The following PRKD1 variants were observed in gnomAD, a reference collection of about 807,000 sequenced individuals.
PRKD1 encodes the protein serine/threonine-protein kinase D1.
A neutral mutation model predicts 95.9 loss-of-function variants in PRKD1; 63 were observed. The observed-to-expected ratio is 0.66, with a 90% CI of 0.54 to 0.81. The LOEUF (loss-of-function observed/expected upper bound fraction) is 0.81, where lower values mean the gene tolerates loss of function less well. PRKD1 is among the 30% of genes least tolerant of loss of function. The pLI is 0.00. For missense variants in PRKD1, 1,048 were observed against 1,165.3 expected, an observed-to-expected ratio of 0.90 and a Z score of 1.47; for synonymous variants, 425 against 423.1, an observed-to-expected ratio of 1.00 and a Z score of -0.05.
intron 1 of PRKD1, among the ~76,000 whole-genome samples, chr14:29,729,478 C>T (rs1886327740): frequency 6.6e-6 from 1 of 152,030 alleles, no homozygotes; most frequent in Non-Finnish European, 1.5e-5. Context: ...GATTCCCTTA[C>T]CACCCTTTTA....
At chr14:29,851,418 A>G (rs144673170) in intron 1 of PRKD1, among the ~76,000 whole-genome samples, 299 of 152,296 alleles carry the variant, frequency 2.0e-3, no homozygotes, top group African/African-American at 6.6e-3. Flanking sequence ...AAAGTGGGCA[A>G]AAGGCATAGA....
chr14:29,822,525 C>T (rs1026327336), intron 1 of PRKD1, among the ~76,000 whole-genome samples: 1 of 152,064 alleles, frequency 6.6e-6, no homozygotes, highest in Admixed American at 6.5e-5. Context: ...AAAAGATGAC[C>T]TTATTTTGAA....
intron 4 of PRKD1, among the ~76,000 whole-genome samples, chr14:29,642,861 T>C (rs148052469): frequency 1.1e-4 from 17 of 152,166 alleles, no homozygotes; most frequent in African/African-American, 4.1e-4. Flanking sequence ...TCTTAGTCTC[T>C]ATTCCAATTT....
intron 1 of PRKD1, among the ~76,000 whole-genome samples, chr14:29,759,976 G>T (rs1887897820): frequency 6.6e-6 from 1 of 152,144 alleles, no homozygotes; most frequent in African/African-American, 2.4e-5. Flanking sequence ...AGTCTGGCCA[G>T]CCATACCGTT....
chr14:29,618,951 C>T (rs1879059095), intron 13 of PRKD1, among the ~76,000 whole-genome samples: 1 of 152,170 alleles, frequency 6.6e-6, no homozygotes, highest in African/African-American at 2.4e-5. Flanking sequence ...CATTTCAACC[C>T]ACATGGTCCC....
chr14:29,589,540 T>A (rs918511812), intron 16 of PRKD1, among the ~76,000 whole-genome samples: 3 of 152,182 alleles, frequency 2.0e-5, no homozygotes, highest in Admixed American at 2.0e-4. Context: ...TAAGATTGCA[T>A]CTTCAACTGC....
At chr14:29,872,469 C>T (rs1171428196) in intron 1 of PRKD1, among the ~76,000 whole-genome samples, 1 of 151,784 alleles carries the variant, frequency 6.6e-6, no homozygotes, top group Admixed American at 6.6e-5. Context: ...CTAGCCAACA[C>T]AGTGAAACCC....
chr14:29,634,841 G>A (rs1259848423), intron 7 of PRKD1, among the ~76,000 whole-genome samples: 1 of 152,002 alleles, frequency 6.6e-6, no homozygotes, highest in Non-Finnish European at 1.5e-5. Context: ...AGACCAGCCT[G>A]GCCAAGATGG....
rs372217789 is a variant in PRKD1, at chr14:29,892,577, A to G, written c.264+34672T>C. On this transcript the variant is annotated intron_variant, in intron 1 of 17. Coordinates refer to ENST00000331968, the MANE Select transcript of PRKD1 (RefSeq NM_002742.3). ...GCCAAGAATGACATAATGCTACAAG[A>G]TCTAGCCTCCTCTCACATACTAACT... Among the ~76,000 whole-genome samples, 142 of 152,286 alleles carry G rather than the reference A, an allele frequency of 9.3e-4. 3 individuals carry two copies. Among genetic ancestry groups the G allele is most frequent in the African/African-American group, 3.3e-3 (137 of 41,562 alleles).
At chr14:29,853,646 C>T (rs941116913) in intron 1 of PRKD1, among the ~76,000 whole-genome samples, 1 of 152,190 alleles carries the variant, frequency 6.6e-6, no homozygotes, top group African/African-American at 2.4e-5. Context: ...CTAAGTTACA[C>T]TTGTGGAAGG....
At chr14:29,730,331 G>T (rs1886370196) in intron 1 of PRKD1, among the ~76,000 whole-genome samples, 1 of 152,010 alleles carries the variant, frequency 6.6e-6, no homozygotes. Flanking sequence ...CCTCAACCCT[G>T]TCAAAATGGC....
At chr14:29,734,028 CTTTTTTTTTTTTTTTTTTT>C (rs58908662) in intron 1 of PRKD1, among the ~76,000 whole-genome samples, 1 of 64,640 alleles carries the variant, frequency 1.5e-5, no homozygotes, top group Non-Finnish European at 2.6e-5. Context: ...ACTTTCCTGC[CTTTTTTTTTTTTTTTTTTT>C]TTTTTTTTTT....
At chr14:29,612,139 G>C (rs1330906004) in intron 13 of PRKD1, among the ~76,000 whole-genome samples, 12 of 152,196 alleles carry the variant, frequency 7.9e-5, no homozygotes, top group Non-Finnish European at 1.6e-4. Context: ...GACAAGGTTA[G>C]ATGACAGAAT....
chr14:29,580,588 G>A (rs770444799), intron 16 of PRKD1, among the ~76,000 whole-genome samples: 12 of 152,100 alleles, frequency 7.9e-5, no homozygotes, highest in Admixed American at 7.2e-4. Context: ...AAATAGGTCC[G>A]TCATTTGTAG....
chr14:29,686,135 G>T (rs1445384482), intron 2 of PRKD1, among the ~76,000 whole-genome samples: 2 of 152,292 alleles, frequency 1.3e-5, no homozygotes, highest in East Asian at 3.9e-4. Context: ...CAGAGGCCCT[G>T]TCCCACTGAT....
At chr14:29,878,844 G>A (rs1566650935) in intron 1 of PRKD1, among the ~76,000 whole-genome samples, 2 of 152,152 alleles carry the variant, frequency 1.3e-5, no homozygotes, top group East Asian at 1.9e-4. Flanking sequence ...TCATGATGGT[G>A]AGAATATATT....
At chr14:29,853,382 T>C (rs1462933870) in intron 1 of PRKD1, among the ~76,000 whole-genome samples, 2 of 152,224 alleles carry the variant, frequency 1.3e-5, no homozygotes, top group African/African-American at 4.8e-5. Context: ...AGCTTTCATT[T>C]GTAAACCAGG....
At chr14:29,788,011 G>A (rs1288223947) in intron 1 of PRKD1, among the ~76,000 whole-genome samples, 3 of 152,078 alleles carry the variant, frequency 2.0e-5, no homozygotes, top group Admixed American at 6.5e-5. Context: ...TGCAATACCA[G>A]TGAGTTGTAT....
chr14:29,833,601 G>T (rs1891498048), intron 1 of PRKD1, among the ~76,000 whole-genome samples: 1 of 152,012 alleles, frequency 6.6e-6, no homozygotes, highest in African/African-American at 2.4e-5. Flanking sequence ...GGTATTTATT[G>T]TTTCTTCTAG....
Sources: gnomAD v4.1 joint callset for allele counts (sites outside exome capture counted in the v4.1 genomes callset) on GRCh38, gnomAD v4.1.1 for gene constraint, MANE v1.5 for transcripts, NCBI Gene and HGNC (gene_info 2026-07-23, HGNC 2026-07-21) for gene names.